Variants in GPC5 observed in about 807,000 individuals in gnomAD.
The protein encoded by GPC5 is glypican 5.
GPC5 carries 47 observed loss-of-function variants against 53.9 expected under a neutral mutation model. That is an observed-to-expected ratio of 0.87 (90% CI 0.69 to 1.11). GPC5 has a LOEUF of 1.11. Ranked by LOEUF, GPC5 falls within the 50% of genes most tolerant of loss-of-function variation. The pLI is 0.00. For synonymous variants in GPC5, 286 were observed against 263.3 expected (o/e 1.09, Z -0.84); for missense variants, 748 against 713.1 (o/e 1.05, Z -0.56).
chr13:92,704,138 A>G (rs183569644), intron 7 of GPC5, among the ~76,000 whole-genome samples: 2 of 152,180 alleles, frequency 1.3e-5, no homozygotes, highest in Non-Finnish European at 2.9e-5. Context: ...TTACCCTTAA[A>G]TTGTTGGAGT....
At chr13:92,026,753 C>T (rs916517873) in intron 6 of GPC5, among the ~76,000 whole-genome samples, 2 of 152,004 alleles carry the variant, frequency 1.3e-5, no homozygotes, top group Non-Finnish European at 2.9e-5. Context: ...TAGTTGGAAA[C>T]ACTGTATTGG....
At chr13:91,985,330 T>A (rs1473838464) in intron 6 of GPC5, among the ~76,000 whole-genome samples, 1 of 152,014 alleles carries the variant, frequency 6.6e-6, no homozygotes, top group Admixed American at 6.6e-5. Context: ...ATGTGTCTTA[T>A]GTTCTTATAT....
chr13:92,040,847 A>T lies in GPC5; in HGVS notation c.1402-103983A>T. On this transcript the variant is annotated intron_variant, in intron 6 of 7. Transcript: ENST00000377067. ...AGCACAATTATGCTGCAGGAATTTA[A>T]CTCTTATTTATTTATTTATTGAGAC... is the stretch of plus-strand genomic sequence containing the variant. 1.3e-5 allele frequency among the ~76,000 whole-genome samples: 2 copies of T among 152,006 alleles called. 1 individual carries two copies. The highest frequency in any genetic ancestry group is 4.8e-5 in the African/African-American group (2 of 41,384).
chr13:91,745,572 G>T (rs1005867326), intron 4 of GPC5, among the ~76,000 whole-genome samples: 4 of 151,924 alleles, frequency 2.6e-5, no homozygotes, highest in African/African-American at 7.3e-5. Context: ...GTCATGTGAG[G>T]GAGATGACTT....
At chr13:92,527,904 T>C (rs370376507) in intron 7 of GPC5, among the ~76,000 whole-genome samples, 40 of 152,144 alleles carry the variant, frequency 2.6e-4, no homozygotes, top group African/African-American at 9.4e-4. Context: ...TTAGTTGTGA[T>C]ATAAAAGCTA....
intron 7 of GPC5, among the ~76,000 whole-genome samples, chr13:92,173,881 G>A (rs1205613411): frequency 6.6e-6 from 1 of 152,168 alleles, no homozygotes; most frequent in African/African-American, 2.4e-5. Context: ...GAGGAAGGTG[G>A]ATCACTTGAG....
chr13:92,605,662 T>C (rs1884229070), intron 7 of GPC5, among the ~76,000 whole-genome samples: 1 of 150,750 alleles, frequency 6.6e-6, no homozygotes. Context: ...CAATCTCGGC[T>C]CACTGCAAGC....
intron 6 of GPC5, among the ~76,000 whole-genome samples, chr13:92,031,800 A>T (rs868806268): frequency 1.6e-4 from 17 of 105,902 alleles, no homozygotes; most frequent in Middle Eastern, 4.1e-3. Context: ...TATTATATAT[A>T]ATATATAATA....
chr13:92,029,363 G>A (rs1329876153), intron 6 of GPC5, among the ~76,000 whole-genome samples: 2 of 152,280 alleles, frequency 1.3e-5, no homozygotes, highest in Non-Finnish European at 1.5e-5. Context: ...TTTGGCTTGC[G>A]TTGTCACATT....
intron 7 of GPC5, among the ~76,000 whole-genome samples, chr13:92,635,030 T>C (rs867818261): frequency 6.6e-6 from 1 of 151,976 alleles, no homozygotes; most frequent in Non-Finnish European, 1.5e-5. Flanking sequence ...TATTTTAAAA[T>C]ATTTTGACAC....
chr13:92,191,426 C>T (rs552911810), intron 7 of GPC5, among the ~76,000 whole-genome samples: 77 of 152,188 alleles, frequency 5.1e-4, no homozygotes, highest in Admixed American at 2.2e-3. Context: ...TAATTGCTGA[C>T]GGGAATGTAA....
At chr13:91,416,747 C>A (rs1364847141) in intron 1 of GPC5, among the ~76,000 whole-genome samples, 2 of 152,084 alleles carry the variant, frequency 1.3e-5, no homozygotes, top group African/African-American at 4.8e-5. Context: ...CGATGGTTTC[C>A]AGCTTCATCC....
intron 6 of GPC5, among the ~76,000 whole-genome samples, chr13:92,123,686 C>T (rs2041669883): frequency 6.6e-6 from 1 of 152,118 alleles, no homozygotes; most frequent in South Asian, 2.1e-4. Flanking sequence ...GGGGACAAAA[C>T]TGAATATATA....
chr13:91,523,304 C>A (rs1195926706), intron 2 of GPC5, among the ~76,000 whole-genome samples: 1 of 152,138 alleles, frequency 6.6e-6, no homozygotes, highest in Non-Finnish European at 1.5e-5. Flanking sequence ...ATGTTCATTG[C>A]AGCATTGTAT....
chr13:91,438,573 T>A (rs1238585054), intron 1 of GPC5, among the ~76,000 whole-genome samples: 3 of 152,186 alleles, frequency 2.0e-5, no homozygotes, highest in African/African-American at 2.4e-5. Context: ...CTGCCCCTAC[T>A]GGGTGGTGCC....
chr13:92,082,573 A>T (rs1182474980), intron 6 of GPC5, among the ~76,000 whole-genome samples: 1 of 152,216 alleles, frequency 6.6e-6, no homozygotes, highest in African/African-American at 2.4e-5. Context: ...TTAGCAAAAA[A>T]ATAGTTTTCT....
At chr13:92,453,648 A>G (rs989641196) in intron 7 of GPC5, among the ~76,000 whole-genome samples, 7 of 152,324 alleles carry the variant, frequency 4.6e-5, no homozygotes, top group African/African-American at 9.6e-5. Flanking sequence ...ATGCAGCGCT[A>G]ATGAAATCAG....
chr13:92,472,667 A>C (rs1205302358), intron 7 of GPC5, among the ~76,000 whole-genome samples: 1 of 152,138 alleles, frequency 6.6e-6, no homozygotes, highest in African/African-American at 2.4e-5. Flanking sequence ...TTGTAGATGA[A>C]TATCCAGAGT....
At chr13:92,629,995 G>A (rs748065679) in intron 7 of GPC5, among the ~76,000 whole-genome samples, 1 of 152,170 alleles carries the variant, frequency 6.6e-6, no homozygotes, top group Non-Finnish European at 1.5e-5. Flanking sequence ...GACTATTCTA[G>A]TGGAGAACCT....
Sources: allele counts gnomAD v4.1 joint callset (sites outside exome capture counted in the v4.1 genomes callset), GRCh38; gene constraint gnomAD v4.1.1; transcripts MANE v1.5; gene names NCBI Gene and HGNC (gene_info 2026-07-23, HGNC 2026-07-21).